Variants in DCT observed in about 807,000 individuals in gnomAD.
The protein encoded by DCT is dopachrome tautomerase, also known as L-dopachrome tautomerase.
In DCT, 47 loss-of-function variants were observed where a neutral mutation model predicts 53.0. That is an observed-to-expected ratio of 0.89 (90% CI 0.70 to 1.13). The LOEUF is 1.13. Ranked by LOEUF, DCT falls within the 50% of genes most tolerant of loss-of-function variation. The pLI, the probability that DCT is intolerant of heterozygous loss-of-function variation, is 0.00. For missense variants in DCT, 669 were observed against 637.4 expected (o/e 1.05, Z -0.53); for synonymous variants, 244 against 237.0 (o/e 1.03, Z -0.27).
At chr13:94,527,515 C>A in the DCT span, among the ~76,000 whole-genome samples, 26 of 152,312 alleles carry the variant, frequency 1.7e-4, no homozygotes, top group African/African-American at 6.3e-4. Flanking sequence ...GGACTTCCAG[C>A]AAACTCCAGC....
At position 94,457,029 on chromosome 13, in the gene DCT, C is replaced by T. The variant is rs77522988; in HGVS notation, c.1179+3062G>A. On this transcript the variant is annotated intron_variant, in intron 6 of 7. Transcript: ENST00000377028. ...CCTGTAATCCCAGCTACTCGGGAGGCTGAGGCAGGAGAATCACTTGAACGC... is the reference window on the plus strand; with the variant it reads ...CCTGTAATCCCAGCTACTCGGGAGGTTGAGGCAGGAGAATCACTTGAACGC... 1.1e-4 allele frequency among the ~76,000 whole-genome samples: 16 copies of T among 152,314 alleles called. No individual in the cohort carries two copies. In the East Asian group the frequency reaches 3.1e-3, roughly 29 times the overall value.
At chr13:94,461,004 T>C (rs1883750797) in intron 5 of DCT, among the ~76,000 whole-genome samples, 1 of 152,174 alleles carries the variant, frequency 6.6e-6, no homozygotes, top group African/African-American at 2.4e-5. Context: ...AAGTGTAGCA[T>C]GGCTCAGTCT....
chr13:94,528,433 G>A, the DCT span, among the ~76,000 whole-genome samples: 1 of 152,336 alleles, frequency 6.6e-6, no homozygotes, highest in East Asian at 1.9e-4. Flanking sequence ...CAGACTAACA[G>A]TGAATCTCTC....
intron 2 of DCT, 44 bp from the exon 3 acceptor site, chr13:94,466,702 T>G (rs1231644612): frequency 7.4e-7 from 1 of 1,346,906 alleles, no homozygotes; most frequent in Non-Finnish European, 1.0e-6. Context: ...GAATAGAATT[T>G]TTTAAAATGT....
At chr13:94,476,920 A>T (rs1429637709) in intron 1 of DCT, among the ~76,000 whole-genome samples, 1 of 152,164 alleles carries the variant, frequency 6.6e-6, no homozygotes, top group Non-Finnish European at 1.5e-5. Flanking sequence ...TTTTGAGAGA[A>T]GGTCTATAGA....
At chr13:94,455,172 G>T (rs897345559) in intron 6 of DCT, among the ~76,000 whole-genome samples, 2 of 152,104 alleles carry the variant, frequency 1.3e-5, no homozygotes, top group African/African-American at 4.8e-5. Context: ...GAGGCTAGGA[G>T]TTCTGAGACC....
intron 1 of DCT, among the ~76,000 whole-genome samples, chr13:94,475,466 G>A (rs892061498): frequency 6.6e-6 from 1 of 152,160 alleles, no homozygotes; most frequent in East Asian, 1.9e-4. Flanking sequence ...TCTTATATGA[G>A]GCATCTAAAG....
At chr13:94,530,598 G>A in the DCT span, among the ~76,000 whole-genome samples, 1 of 152,176 alleles carries the variant, frequency 6.6e-6, no homozygotes, top group African/African-American at 2.4e-5. Context: ...AGCAATTCGT[G>A]CTAAAAACTC....
chr13:94,540,509 C>T, the DCT span, among the ~76,000 whole-genome samples: 2 of 152,154 alleles, frequency 1.3e-5, no homozygotes, highest in African/African-American at 4.8e-5. Context: ...TGTGAATAGA[C>T]ATTTCTCAAA....
chr13:94,486,242 C>T, the DCT span, among the ~76,000 whole-genome samples: 1 of 152,194 alleles, frequency 6.6e-6, no homozygotes, highest in Non-Finnish European at 1.5e-5. Flanking sequence ...CTCTTATCTC[C>T]TACTCCATGC....
At chr13:94,541,145 G>C in the DCT span, among the ~76,000 whole-genome samples, 1 of 152,114 alleles carries the variant, frequency 6.6e-6, no homozygotes, top group South Asian at 2.1e-4. Flanking sequence ...AAGAGTAGTG[G>C]GGAGGTGGAG....
the DCT span, among the ~76,000 whole-genome samples, chr13:94,541,404 T>A: frequency 6.6e-6 from 1 of 151,878 alleles, no homozygotes; most frequent in South Asian, 2.1e-4. Context: ...CTCGGGAGAC[T>A]GAGGCAGGAG....
chr13:94,517,288 A>G, the DCT span, among the ~76,000 whole-genome samples: 12 of 152,184 alleles, frequency 7.9e-5, no homozygotes, highest in African/African-American at 2.4e-4. Context: ...CCATTTTCCA[A>G]TGAGGCTTCA....
intron 7 of DCT, among the ~76,000 whole-genome samples, chr13:94,440,676 G>GTTTTTTTTTTTTTTTT (rs761688508): frequency 1.0e-5 from 1 of 98,036 alleles, no homozygotes; most frequent in Non-Finnish European, 1.9e-5. Flanking sequence ...TCATTTTTTG[G>GTTTTTTTTTTTTTTTT]TTTTTTTTTT....
the DCT span, among the ~76,000 whole-genome samples, chr13:94,520,624 A>G: frequency 5.3e-5 from 8 of 152,314 alleles, no homozygotes; most frequent in African/African-American, 1.9e-4. Flanking sequence ...GAATCAACCT[A>G]GCCTGCCTTC....
At chr13:94,512,133 T>A in the DCT span, among the ~76,000 whole-genome samples, 1 of 152,150 alleles carries the variant, frequency 6.6e-6, no homozygotes, top group Non-Finnish European at 1.5e-5. Flanking sequence ...CACCCAGTAC[T>A]GGATACAGCA....
rs754411804 is a variant in DCT, at chr13:94,466,605, C to G, written c.649G>C (p.Val217Leu). 6.2e-7 allele frequency: 1 copy of G among 1,612,300 alleles called. No individual in the cohort carries two copies. The highest frequency in any genetic ancestry group is 1.1e-5 in the South Asian group (1 of 90,790). Residue 217 changes from valine to leucine, a missense_variant, in exon 3 of 8, where the codon GTT becomes CTT. Physicochemically the swap from Val to Leu is conservative, Grantham distance 32. Transcript: ENST00000377028. ...IDFSHQGPAF[V>L]TWHRYHLLCL... The stretch of plus-strand genomic sequence containing the variant: ...AACAAATGGTACCGGTGCCAGGTAA[C>G]AAATGCAGGTCCTTGATGTGAGAAA...
chr13:94,490,231 G>A, the DCT span, among the ~76,000 whole-genome samples: 4 of 152,070 alleles, frequency 2.6e-5, no homozygotes, highest in Non-Finnish European at 4.4e-5. Context: ...AAAGCTGGGC[G>A]CAGTGGCTCA....
chr13:94,449,048 T>C (rs1882918069), intron 6 of DCT, among the ~76,000 whole-genome samples: 1 of 151,768 alleles, frequency 6.6e-6, no homozygotes, highest in Non-Finnish European at 1.5e-5. Flanking sequence ...ACCTATTCTG[T>C]CTTGTTCCAA....
Sources: gnomAD v4.1 joint callset for allele counts (sites outside exome capture counted in the v4.1 genomes callset) on GRCh38, gnomAD v4.1.1 for gene constraint, MANE v1.5 for transcripts, NCBI Gene and HGNC (gene_info 2026-07-23, HGNC 2026-07-21) for gene names.